GALNT9: variants seen among roughly 807,000 people sequenced by gnomAD.
The protein encoded by GALNT9 is polypeptide N-acetylgalactosaminyltransferase 9.
A neutral mutation model predicts 63.1 loss-of-function variants in GALNT9; 47 were observed. The ratio of observed to expected loss-of-function variants is 0.75; its 90% CI spans 0.59 to 0.95. GALNT9 has a LOEUF of 0.95. Ranked by LOEUF, GALNT9 falls within the 40% of genes least tolerant of loss-of-function variation. The probability of loss-of-function intolerance (pLI) is 0.00; values close to 1 mark genes in which losing one functional copy is unlikely to be tolerated. For synonymous variants in GALNT9, 396 were observed against 365.7 expected (o/e 1.08, Z -0.94); for missense variants, 829 against 874.8 (o/e 0.95, Z 0.66).
rs1201542510 is a variant in GALNT9, at chr12:132,238,637, A to T, written c.1077+9273T>A. Among the ~76,000 whole-genome samples, 1 of 152,026 alleles carries T rather than the reference A, an allele frequency of 6.6e-6. No homozygotes were observed. Among genetic ancestry groups the T allele is most frequent in the African/African-American group, 2.4e-5 (1 of 41,372 alleles). ...TGGAAGGCGAAGGTGGGCAGGCCTG[A>T]GTGTGAGTCTCACATCCATCTGCTG... On this transcript the variant is annotated intron_variant, in intron 6 of 10. Coordinates refer to ENST00000328957, the MANE Select transcript of GALNT9 (RefSeq NM_001122636.2). The surrounding 1 kb of genome is among the most constrained non-coding windows in gnomAD (Gnocchi z 6.5).
At chr12:132,297,087 C>G (rs1166990051) in intron 1 of GALNT9, among the ~76,000 whole-genome samples, 1 of 151,790 alleles carries the variant, frequency 6.6e-6, no homozygotes, top group Non-Finnish European at 1.5e-5. Flanking sequence ...AACTCACTCC[C>G]GAGATAACCA....
At chr12:132,308,839 G>A (rs1178906659) in intron 1 of GALNT9, among the ~76,000 whole-genome samples, 2 of 151,630 alleles carry the variant, frequency 1.3e-5, no homozygotes, top group Non-Finnish European at 2.9e-5. Flanking sequence ...CACCCACGGG[G>A]CTCGGGATGG....
At chr12:132,284,684 C>T (rs1286007177) in intron 2 of GALNT9, 1 of 152,288 alleles carries the variant, frequency 6.6e-6, no homozygotes, top group East Asian at 1.9e-4. Flanking sequence ...GGGGAAACCC[C>T]CTCCAGGAGG....
At position 132,236,897 on chromosome 12, in the gene GALNT9, C is replaced by T. The variant is rs1416435077; in HGVS notation, c.1077+11013G>A. ...TCGGGATGGGAAAGCCATGTGGGTG[C>T]TGGTCGTGTGGCCTCCCACAGCCTG... is the stretch of plus-strand genomic sequence containing the variant. On this transcript the variant is annotated intron_variant, in intron 6 of 10. Coordinates refer to ENST00000328957, the MANE Select transcript of GALNT9 (RefSeq NM_001122636.2). This position sits in a 1 kb window ranked among gnomAD's most constrained non-coding sequence, Gnocchi z 5.6. 6.6e-6 allele frequency among the ~76,000 whole-genome samples: 1 copy of T among 152,192 alleles called. No individual in the cohort carries two copies. Among genetic ancestry groups the T allele is most frequent in the Admixed American group, 6.5e-5 (1 of 15,288 alleles).
At chr12:132,288,326 T>C (rs1880681742) in intron 1 of GALNT9, among the ~76,000 whole-genome samples, 1 of 152,276 alleles carries the variant, frequency 6.6e-6, no homozygotes, top group South Asian at 2.1e-4. Context: ...TCCGTATTTA[T>C]GTAGGACTGA....
In GALNT9 at chr12:132,196,666, G is replaced by A. The variant is rs1215018879; in HGVS notation, c.*441C>T. Reference sequence around the variant, plus strand: ...GTGTGACTTAGGTCTTGGTTGGAGGGCTGAGCGGCCGCAAGTGCTGGGGGA... The same window carrying A: ...GTGTGACTTAGGTCTTGGTTGGAGGACTGAGCGGCCGCAAGTGCTGGGGGA... On this transcript the variant is annotated 3_prime_UTR_variant, in exon 11 of 11. Coordinates refer to ENST00000328957, the MANE Select transcript of GALNT9 (RefSeq NM_001122636.2). The A allele has an allele frequency of 1.0e-6, 1 of 1,001,890 alleles. No individual in the cohort carries two copies. Among genetic ancestry groups the A allele is most frequent in the East Asian group, 1.1e-4 (1 of 9,284 alleles). The allele number at this position is 1,001,890 out of a possible 1,614,324, so 62.1% of individuals were successfully genotyped here.
At chr12:132,233,579 A>G (rs1877924700) in intron 6 of GALNT9, among the ~76,000 whole-genome samples, 1 of 6,206 alleles carries the variant, frequency 1.6e-4, no homozygotes, top group Non-Finnish European at 2.7e-4. Context: ...ATGGGGCGAC[A>G]GAGGAGACAG....
intron 6 of GALNT9, chr12:132,240,498 G>A (rs1429587875): frequency 7.3e-6 from 3 of 410,594 alleles, no homozygotes; most frequent in African/African-American, 4.2e-5. Flanking sequence ...GACCCCGGGC[G>A]GCACTCACTC....
intron 1 of GALNT9, among the ~76,000 whole-genome samples, chr12:132,311,402 G>T (rs1214811407): frequency 6.6e-6 from 1 of 152,192 alleles, no homozygotes; most frequent in Non-Finnish European, 1.5e-5. Flanking sequence ...AGCAGCACGG[G>T]CAGGGGCAGC....
chr12:132,309,930 G>A (rs549393989), intron 1 of GALNT9, among the ~76,000 whole-genome samples: 148 of 152,376 alleles, frequency 9.7e-4, no homozygotes, highest in African/African-American at 3.4e-3. Flanking sequence ...GGCAGCGGGC[G>A]CAGGTGAAAC....
At chr12:132,239,199 C>CAG (rs2136896555) in intron 6 of GALNT9, among the ~76,000 whole-genome samples, 42,826 of 148,842 alleles carry the variant, frequency 0.29, 7,356 homozygotes, top group African/African-American at 0.48. Flanking sequence ...GGGGGACAGG[C>CAG]AGAGAGAGAG....
chr12:132,291,391 GCACCCA>G (rs1593108611), intron 1 of GALNT9, among the ~76,000 whole-genome samples: 8 of 95,586 alleles, frequency 8.4e-5, no homozygotes, highest in East Asian at 7.2e-4. Flanking sequence ...CACGTCCACA[GCACCCA>G]CGTCCACAGC....
intron 2 of GALNT9, among the ~76,000 whole-genome samples, chr12:132,267,909 C>A (rs1486364450): frequency 7.5e-6 from 1 of 133,436 alleles, no homozygotes; most frequent in Non-Finnish European, 1.6e-5. Flanking sequence ...GCACACAAAT[C>A]CACATGCACT....
chr12:132,267,899 G>A (rs1039192896), intron 2 of GALNT9, among the ~76,000 whole-genome samples: 6 of 111,080 alleles, frequency 5.4e-5, no homozygotes, highest in South Asian at 3.3e-4. Context: ...ACGCACACAC[G>A]CACACAAATC....
At chr12:132,263,012 G>A (rs187697680) in intron 2 of GALNT9, among the ~76,000 whole-genome samples, 8 of 152,246 alleles carry the variant, frequency 5.3e-5, no homozygotes, top group East Asian at 1.9e-4. Flanking sequence ...GGAGATGAAC[G>A]TCCCCGTTCC....
chr12:132,224,721 C>T (rs1369978973), intron 6 of GALNT9, among the ~76,000 whole-genome samples: 3 of 143,702 alleles, frequency 2.1e-5, no homozygotes, highest in Non-Finnish European at 4.6e-5. Flanking sequence ...CAGACATACG[C>T]CCCATACACC....
intron 1 of GALNT9, among the ~76,000 whole-genome samples, chr12:132,304,525 A>G (rs1881483797): frequency 3.7e-5 from 2 of 54,250 alleles, no homozygotes; most frequent in South Asian, 7.8e-4. Context: ...GCCCGGACAC[A>G]CCCTCACCCG....
At chr12:132,243,755 C>A (rs1171596871) in intron 6 of GALNT9, among the ~76,000 whole-genome samples, 1 of 152,172 alleles carries the variant, frequency 6.6e-6, no homozygotes, top group Admixed American at 6.5e-5. Context: ...CACCACGCAC[C>A]GGCTGGCATT....
chr12:132,321,186 G>C (rs1261094054), intron 1 of GALNT9, among the ~76,000 whole-genome samples: 3 of 150,978 alleles, frequency 2.0e-5, no homozygotes, highest in African/African-American at 7.3e-5. Flanking sequence ...GTCCGGAGTC[G>C]AGGCCCCTGT....
Sources: gnomAD v4.1 joint callset for allele counts (sites outside exome capture counted in the v4.1 genomes callset) on GRCh38, gnomAD v4.1.1 for gene constraint, Gnocchi (gnomAD v3.1) non-coding constraint, MANE v1.5 for transcripts, NCBI Gene and HGNC (gene_info 2026-07-23, HGNC 2026-07-21) for gene names.